Variants in RBFOX1 observed in about 807,000 individuals in gnomAD.
RBFOX1 encodes the protein RNA binding protein fox-1 homolog 1.
RBFOX1 carries 8 observed loss-of-function variants against 57.7 expected under a neutral mutation model. That is an observed-to-expected ratio of 0.14 (90% CI 0.08 to 0.25). RBFOX1 has a LOEUF of 0.25. Ranked by LOEUF, RBFOX1 falls within the 10% of genes least tolerant of loss-of-function variation. The pLI is 1.00. For synonymous variants in RBFOX1, 326 were observed against 222.4 expected (o/e 1.47, Z -4.15); for missense variants, 611 against 548.5 (o/e 1.11, Z -1.14).
chr16:6,767,930 A>AAT (rs2077581313), intron 3 of RBFOX1, among the ~76,000 whole-genome samples: 1 of 92,930 alleles, frequency 1.1e-5, no homozygotes, highest in Non-Finnish European at 2.0e-5. Context: ...TAATAATAAT[A>AAT]ATAATAATAA....
At chr16:7,496,106 T>C (rs1299577760) in intron 4 of RBFOX1, among the ~76,000 whole-genome samples, 1 of 152,154 alleles carries the variant, frequency 6.6e-6, no homozygotes, top group Non-Finnish European at 1.5e-5. Flanking sequence ...AGTGCACACA[T>C]CCTACCTTCT....
intron 4 of RBFOX1, among the ~76,000 whole-genome samples, chr16:5,912,860 A>G (rs2058631593): frequency 6.6e-6 from 1 of 152,162 alleles, no homozygotes; most frequent in Non-Finnish European, 1.5e-5. Flanking sequence ...TAACGAAGGG[A>G]TGGGTCCATG....
intron 3 of RBFOX1, among the ~76,000 whole-genome samples, chr16:6,999,516 A>C (rs1181734645): frequency 1.3e-5 from 2 of 151,808 alleles, no homozygotes; most frequent in Non-Finnish European, 2.9e-5. Flanking sequence ...GTGGTTTTAA[A>C]ATGTTTTATT....
At chr16:5,995,474 A>G (rs2060474375) in intron 4 of RBFOX1, among the ~76,000 whole-genome samples, 1 of 152,190 alleles carries the variant, frequency 6.6e-6, no homozygotes, top group Admixed American at 6.5e-5. Context: ...AGAGAGAGGG[A>G]GAAAAAAAAT....
chr16:5,358,079 A>T (rs2151330672), intron 1 of RBFOX1, among the ~76,000 whole-genome samples: 1 of 152,162 alleles, frequency 6.6e-6, no homozygotes, highest in Non-Finnish European at 1.5e-5. Flanking sequence ...TGTCGGCAGT[A>T]TGGCTTCCAC....
At chr16:6,621,587 C>T (rs1004397345) in intron 2 of RBFOX1, among the ~76,000 whole-genome samples, 4 of 152,198 alleles carry the variant, frequency 2.6e-5, no homozygotes, top group Non-Finnish European at 5.9e-5. Context: ...AATAAGGTCA[C>T]ATTCTCAGGT....
At chr16:6,722,003 A>G (rs1217916064) in intron 3 of RBFOX1, 3 of 152,524 alleles carry the variant, frequency 2.0e-5, no homozygotes, top group African/African-American at 7.2e-5. Context: ...ATGTATCAAA[A>G]TTTCCTTCCT....
At chr16:5,895,105 C>T (rs935823144) in intron 4 of RBFOX1, among the ~76,000 whole-genome samples, 2 of 152,172 alleles carry the variant, frequency 1.3e-5, no homozygotes, top group African/African-American at 4.8e-5. Context: ...CTTGAATCCA[C>T]ATTTAAGGGG....
At position 5,432,563 on chromosome 16, in the gene RBFOX1, T is replaced by G. The variant is rs868780392; in HGVS notation, c.220-34653T>G. On this transcript the variant is annotated intron_variant, in intron 1 of 2. Transcript: ENST00000585867. The stretch of plus-strand genomic sequence containing the variant: ...TTTTTTTTTTTTTGTTTGTTTGTTT[T>G]TTTTTTTTTTTGGTTTTTCACTCTT... 7.4e-3 allele frequency among the ~76,000 whole-genome samples: 1,051 copies of G among 142,826 alleles called. 11 individuals are homozygous for G. Among genetic ancestry groups the G allele is most frequent in the African/African-American group, 0.028 (985 of 34,816 alleles). 93.7% of individuals were successfully genotyped at this position (142,826 alleles called of 152,430 possible). A position where few individuals can be genotyped will look rare whatever the true frequency, so the allele number is the denominator to read the frequency against.
chr16:6,885,926 TAATAA>T (rs1305239217), intron 3 of RBFOX1, among the ~76,000 whole-genome samples: 2 of 152,172 alleles, frequency 1.3e-5, no homozygotes, highest in African/African-American at 2.4e-5. Context: ...ATTAACCCAA[TAATAA>T]AATAAAATGA....
chr16:6,564,325 A>C (rs1046388666), intron 2 of RBFOX1, among the ~76,000 whole-genome samples: 2 of 152,144 alleles, frequency 1.3e-5, no homozygotes, highest in African/African-American at 4.8e-5. Context: ...CATACAGTGG[A>C]GTATTATTCA....
In RBFOX1 at chr16:7,360,092, C is replaced by T. The variant is rs551588901; in HGVS notation, c.28-158055C>T. Among the ~76,000 whole-genome samples the T allele has an allele frequency of 2.0e-5, 3 of 152,204 alleles. No individual in the cohort carries two copies. In the East Asian group the frequency reaches 5.8e-4, roughly 29 times the overall value. On this transcript the variant is annotated intron_variant, in intron 4 of 15. Transcript: ENST00000550418. ...TGAAACAACTTAAATATTCCCTCCCCCTATGATGAAAATGGGATTCAACCA... is the reference window on the plus strand; with the variant it reads ...TGAAACAACTTAAATATTCCCTCCCTCTATGATGAAAATGGGATTCAACCA...
intron 3 of RBFOX1, among the ~76,000 whole-genome samples, chr16:6,793,450 C>G (rs533259092): frequency 6.6e-6 from 1 of 152,152 alleles, no homozygotes; most frequent in South Asian, 2.1e-4. Context: ...AGAGAAATAT[C>G]CCTTCATCTC....
chr16:5,244,528 GT>G (rs745894358), intron 1 of RBFOX1, among the ~76,000 whole-genome samples: 3 of 152,242 alleles, frequency 2.0e-5, no homozygotes, highest in African/African-American at 4.8e-5. Context: ...CAACCTCTGG[GT>G]TTTTGGATTT....
intron 3 of RBFOX1, among the ~76,000 whole-genome samples, chr16:5,785,023 G>A (rs1473079070): frequency 2.0e-5 from 3 of 152,186 alleles, no homozygotes; most frequent in African/African-American, 7.2e-5. Context: ...GGGATTAAAT[G>A]AGCTCTTTTG....
At chr16:6,120,796 G>T (rs1439338489) in intron 1 of RBFOX1, among the ~76,000 whole-genome samples, 2 of 152,106 alleles carry the variant, frequency 1.3e-5, no homozygotes, top group Admixed American at 6.5e-5. Context: ...TAAGACGTCA[G>T]TTCTGGTGCT....
At chr16:5,719,289 C>T (rs2051839355) in intron 3 of RBFOX1, among the ~76,000 whole-genome samples, 1 of 151,370 alleles carries the variant, frequency 6.6e-6, no homozygotes, top group African/African-American at 2.4e-5. Context: ...GCAAGCTCCG[C>T]CCCCCTGGTT....
chr16:5,463,768 C>T (rs183337981), intron 1 of RBFOX1, among the ~76,000 whole-genome samples: 15 of 151,322 alleles, frequency 9.9e-5, no homozygotes, highest in Non-Finnish European at 1.8e-4. Flanking sequence ...CCACTGCACT[C>T]CAGCCTGGGT....
At chr16:5,302,294 C>A (rs1165235534) in intron 1 of RBFOX1, among the ~76,000 whole-genome samples, 2 of 152,094 alleles carry the variant, frequency 1.3e-5, no homozygotes, top group African/African-American at 2.4e-5. Flanking sequence ...TCAGAGAAAT[C>A]ATTTTTTTGA....
Sources: allele counts gnomAD v4.1 joint callset (sites outside exome capture counted in the v4.1 genomes callset), GRCh38; gene constraint gnomAD v4.1.1; transcripts MANE v1.5; gene names NCBI Gene and HGNC (gene_info 2026-07-23, HGNC 2026-07-21).